The following COPG2 variants were observed in gnomAD, a reference collection of about 807,000 sequenced individuals.
The protein encoded by COPG2 is coat protein complex I subunit gamma 2.
In COPG2, 37 loss-of-function variants were observed where a neutral mutation model predicts 46.3. The ratio of observed to expected loss-of-function variants is 0.80; its 90% CI spans 0.61 to 1.05. The LOEUF is 1.05. COPG2 is among the 50% of genes least tolerant of loss of function. The pLI is 0.00. For synonymous variants in COPG2, 159 were observed against 129.7 expected (o/e 1.23, Z -1.53); for missense variants, 427 against 387.8 (o/e 1.10, Z -0.85).
Position 130,668,746 on chromosome 7 carries a change from A to G in COPG2, c.-78T>C. ...GCCGGCGAGCGGAAGAGGCTGCAGG[A>G]AGGCCGGCCCCGCGCTCTCACGCCG... On this transcript the variant is annotated 5_prime_UTR_variant, in exon 1 of 24. Coordinates refer to ENST00000425248, the MANE Select transcript of COPG2 (RefSeq NM_012133.6). 1 of 1,468,846 alleles carries G rather than the reference A, an allele frequency of 6.8e-7. No individual in the cohort carries two copies. The highest frequency in any genetic ancestry group is 9.1e-7 in the Non-Finnish European group (1 of 1,098,842). 91.0% of individuals were successfully genotyped at this position (1,468,846 alleles called of 1,614,324 possible). A position where few individuals can be genotyped will look rare whatever the true frequency, so the allele number is the denominator to read the frequency against.
rs966248036 is a variant in COPG2, at chr7:130,540,908, A to G, written c.2149+6766T>C. On this transcript the variant is annotated intron_variant, in intron 20 of 23. Transcript: ENST00000425248. ...GTGTTCAGCTCAGTAAAAGTAAGGG[A>G]AAAAAAATAGCAGTCTCTAAAAGGA... Among the ~76,000 whole-genome samples, 1,007 of 152,000 alleles carry G rather than the reference A, an allele frequency of 6.6e-3. 4 individuals are homozygous for G. Among genetic ancestry groups the G allele is most frequent in the Non-Finnish European group, 8.3e-3 (563 of 67,958 alleles).
rs188069496 is a variant in COPG2 at position 130,643,623 on chromosome 7, G to T, written c.323+9246C>A. On this transcript the variant is annotated intron_variant, in intron 5 of 23. Transcript: ENST00000425248. ...CCTTAAAGAAAAAAGAAGGACTGCA[G>T]ATAAAAGAAGGGAATGGGAAAAATA... is the stretch of plus-strand genomic sequence containing the variant. Among the ~76,000 whole-genome samples the T allele has an allele frequency of 2.6e-4, 39 of 152,258 alleles. No individual in the cohort carries two copies. In the South Asian group the frequency reaches 4.4e-3, roughly 17 times the overall value.
chr7:130,511,491 G>A, intron 20 of COPG2: 1 of 520,062 alleles, frequency 1.9e-6, no homozygotes, highest in Non-Finnish European at 3.8e-6. Context: ...CTGTACAAAT[G>A]GTGGGAGGGA....
intron 20 of COPG2, among the ~76,000 whole-genome samples, chr7:130,540,987 C>T (rs909879556): frequency 0.19 from 29,412 of 152,032 alleles, 3,034 homozygotes; most frequent in Middle Eastern, 0.25. Flanking sequence ...TCTGATAGGC[C>T]GCCTTGGGGT....
intron 9 of COPG2, 84 bp from the exon 10 acceptor site, chr7:130,564,477 A>G (rs1793770900): frequency 2.5e-6 from 1 of 398,102 alleles, no homozygotes; most frequent in African/African-American, 2.1e-5. Flanking sequence ...AGGCAGATTG[A>G]GAGGCACTTC....
rs567676782 is a variant in COPG2, at chr7:130,660,746, A to G, written c.243+2221T>C. ...TGATGCCATCCTCCCTACAATGATC[A>G]CCCACTGCCACAGCCTATCAGTAAC... On this transcript the variant is annotated intron_variant, in intron 4 of 23. Transcript: ENST00000425248. 5.9e-5 allele frequency among the ~76,000 whole-genome samples: 9 copies of G among 152,116 alleles called. No homozygotes were observed. The South Asian group carries it at 1.7e-3, about 28-fold the overall frequency.
chr7:130,627,639 T>C (rs1434249631), intron 5 of COPG2, among the ~76,000 whole-genome samples: 1 of 152,080 alleles, frequency 6.6e-6, no homozygotes, highest in Admixed American at 6.6e-5. Flanking sequence ...CCCCAGATAG[T>C]CACTACCCAC....
intron 12 of COPG2, among the ~76,000 whole-genome samples, chr7:130,555,786 C>T (rs1793613245): frequency 1.3e-5 from 2 of 152,186 alleles, no homozygotes; most frequent in South Asian, 2.1e-4. Context: ...GTTGAGATCG[C>T]ACCACTGCAC....
At chr7:130,595,762 C>G (rs1794514043) in intron 9 of COPG2, among the ~76,000 whole-genome samples, 1 of 152,110 alleles carries the variant, frequency 6.6e-6, no homozygotes, top group South Asian at 2.1e-4. Context: ...TGTCAAGAGT[C>G]TGGACACCGG....
chr7:130,551,736 GT>G (rs1369142214), intron 15 of COPG2, among the ~76,000 whole-genome samples: 1 of 152,152 alleles, frequency 6.6e-6, no homozygotes, highest in Non-Finnish European at 1.5e-5. Context: ...TCCAGCCACT[GT>G]TTTTGCTCAA....
Position 130,555,133 on chromosome 7 carries a change from C to T in COPG2, c.1129-1G>A, listed in dbSNP as rs1200147311. On this transcript the variant is annotated splice_acceptor_variant, in intron 12 of 23. Transcript: ENST00000425248. LOFTEE classifies it high-confidence loss of function. The stretch of plus-strand genomic sequence containing the variant: ...CACTAATTGCCTGTACAACCACCAC[C>T]TGTAGAAAAACAAAAAGAATATTCA... The T allele has an allele frequency of 2.5e-6, 1 of 398,394 alleles. No individual in the cohort carries two copies. Among genetic ancestry groups the T allele is most frequent in the Admixed American group, 4.4e-5 (1 of 22,734 alleles). The allele number at this position is 398,394 out of a possible 1,614,324, so 24.7% of individuals were successfully genotyped here.
chr7:130,607,991 G>A (rs571210013), intron 9 of COPG2, among the ~76,000 whole-genome samples: 3 of 152,222 alleles, frequency 2.0e-5, no homozygotes, highest in African/African-American at 7.2e-5. Context: ...TTGTACTAAT[G>A]TCAATTATTA....
intron 9 of COPG2, among the ~76,000 whole-genome samples, chr7:130,606,286 A>G (rs952668409): frequency 4.6e-5 from 7 of 151,590 alleles, no homozygotes; most frequent in Admixed American, 2.0e-4. Context: ...AAGAAAAAGA[A>G]AGAGAGAGAG....
chr7:130,653,175 A>T (rs1376360733), intron 4 of COPG2, among the ~76,000 whole-genome samples: 1 of 152,198 alleles, frequency 6.6e-6, no homozygotes, highest in Non-Finnish European at 1.5e-5. Flanking sequence ...TTAAAAATTC[A>T]ATTATATGGA....
intron 6 of COPG2, among the ~76,000 whole-genome samples, chr7:130,615,950 T>G (rs540609398): frequency 6.6e-6 from 1 of 152,180 alleles, no homozygotes; most frequent in Non-Finnish European, 1.5e-5. Flanking sequence ...ATACTTGATA[T>G]TGCTTTTAAG....
At chr7:130,528,793 G>C (rs1799797741) in intron 20 of COPG2, among the ~76,000 whole-genome samples, 1 of 151,950 alleles carries the variant, frequency 6.6e-6, no homozygotes, top group Admixed American at 6.5e-5. Context: ...AGCTTGTTGA[G>C]AGCAGGAGGG....
chr7:130,552,911 T>C (rs1793555598), intron 14 of COPG2, among the ~76,000 whole-genome samples: 1 of 152,104 alleles, frequency 6.6e-6, no homozygotes, highest in Non-Finnish European at 1.5e-5. Context: ...GAAAGATAGG[T>C]ATGTAGAGAG....
In COPG2 at chr7:130,555,144, C is replaced by T. The variant is rs1314413810; in HGVS notation, c.1129-12G>A. The T allele has an allele frequency of 5.0e-6, 2 of 398,252 alleles. No homozygotes were observed. Among genetic ancestry groups the T allele is most frequent in the East Asian group, 7.1e-5 (2 of 28,038 alleles). 24.7% of individuals were successfully genotyped at this position (398,252 alleles called of 1,614,324 possible). A position where few individuals can be genotyped will look rare whatever the true frequency, so the allele number is the denominator to read the frequency against. On this transcript the variant is annotated splice_polypyrimidine_tract_variant and intron_variant, in intron 12 of 23. Transcript: ENST00000425248. ...TGTACAACCACCACCTGTAGAAAAA[C>T]AAAAAGAATATTCATTTTTATGACT...
chr7:130,635,966 G>GTT (rs1554456111), intron 5 of COPG2, among the ~76,000 whole-genome samples: 1 of 152,142 alleles, frequency 6.6e-6, no homozygotes, highest in East Asian at 1.9e-4. Flanking sequence ...TATTTACCCA[G>GTT]TAGTCATTCA....
Sources: gnomAD v4.1 joint callset for allele counts (sites outside exome capture counted in the v4.1 genomes callset) on GRCh38, gnomAD v4.1.1 for gene constraint, MANE v1.5 for transcripts, NCBI Gene and HGNC (gene_info 2026-07-23, HGNC 2026-07-21) for gene names.